CIITA: variants seen among roughly 807,000 people sequenced by gnomAD.
CIITA encodes class II major histocompatibility complex transactivator, also known as MHC class II transactivator.
Under a neutral mutation model 115.1 loss-of-function variants are expected in CIITA, and 72 were observed. The ratio of observed to expected loss-of-function variants is 0.63; its 90% confidence interval spans 0.52 to 0.76. The LOEUF is 0.76. CIITA is among the 30% of genes least tolerant of loss of function. The pLI, the probability that CIITA is intolerant of heterozygous loss-of-function variation, is 0.00. For synonymous variants in CIITA, 763 were observed against 635.6 expected, an observed-to-expected ratio of 1.20 and a Z score of -3.02; for missense variants, 1,617 against 1,463.8, an observed-to-expected ratio of 1.10 and a Z score of -1.71.
chr16:10,920,640 C>CAA lies in CIITA; in HGVS notation c.3150-1527_3150-1526insAA, dbSNP rs2040219737. On this transcript the variant is annotated intron_variant, in intron 16 of 19. Transcript: ENST00000324288. The surrounding 1 kb of genome is among the most constrained non-coding windows in gnomAD (Gnocchi z 4.5). ...TGAGGCCAAAATGCAAACTGTGACA[C>CAA]GCTATTGGTTATAAGACACATCCTG... 6.6e-6 allele frequency among the ~76,000 whole-genome samples: 1 copy of CAA among 152,178 alleles called. No homozygotes were observed. Among genetic ancestry groups the CAA allele is most frequent in the Non-Finnish European group, 1.5e-5 (1 of 68,048 alleles).
chr16:10,899,655 T>C (rs1488338003), intron 5 of CIITA, among the ~76,000 whole-genome samples: 1 of 152,204 alleles, frequency 6.6e-6, no homozygotes, highest in Non-Finnish European at 1.5e-5. Context: ...AATGAAAACA[T>C]CTGTAAAATG....
intron 13 of CIITA, among the ~76,000 whole-genome samples, chr16:10,911,274 C>T (rs1321029697): frequency 1.0e-4 from 15 of 145,978 alleles, no homozygotes; most frequent in Admixed American, 8.3e-4. Context: ...CTCTTTCTTT[C>T]CTTTCCCTTC....
intron 1 of CIITA, among the ~76,000 whole-genome samples, chr16:10,884,608 A>T (rs1029758488): frequency 8.5e-5 from 13 of 152,164 alleles, no homozygotes; most frequent in African/African-American, 3.1e-4. Flanking sequence ...TTCTGAAGAG[A>T]TGGGGTTTCA....
intron 1 of CIITA, among the ~76,000 whole-genome samples, chr16:10,886,794 G>A (rs2036995818): frequency 1.3e-5 from 2 of 152,240 alleles, no homozygotes; most frequent in African/African-American, 4.8e-5. Context: ...GTGACTCAGA[G>A]AGGTTGAGTA....
Position 10,895,335 on chromosome 16 carries a change from G to A in CIITA, c.106G>A (p.Glu36Lys). Reference protein sequence around the residue: ...ELGPLEGGYLELLNSDADPLC... With the variant: ...ELGPLEGGYLKLLNSDADPLC... ...GGGGCCCCTAGAAGGTGGCTACCTG[G>A]AGCTTCTTAACAGCGATGCTGACCC... Residue 36 changes from glutamate to lysine, a missense_variant, in exon 2 of 20, where the codon GAG becomes AAG. Transcript: ENST00000324288. 6.2e-7 allele frequency: 1 copy of A among 1,614,068 alleles called. No individual in the cohort carries two copies. The highest frequency in any genetic ancestry group is 8.5e-7 in the Non-Finnish European group (1 of 1,180,016).
At chr16:10,886,106 T>C (rs2036923994) in intron 1 of CIITA, among the ~76,000 whole-genome samples, 1 of 149,306 alleles carries the variant, frequency 6.7e-6, no homozygotes, top group African/African-American at 2.5e-5. Context: ...CCAGGCTGAG[T>C]TTTCTATTTT....
chr16:10,867,605 G>T (rs1197701118), intron 1 of CIITA, among the ~76,000 whole-genome samples: 1 of 151,990 alleles, frequency 6.6e-6, no homozygotes. Context: ...GAGAATGAAG[G>T]CCTTATTTTT....
Position 10,908,870 on chromosome 16 carries a change from A to T in CIITA, c.2658-159A>T. Reference sequence around the variant, plus strand: ...GTGAGTTGTGAGAAAGTAGGAATCAATAAAGGCTGGAGTGGTCATGGAAGG... The same window carrying T: ...GTGAGTTGTGAGAAAGTAGGAATCATTAAAGGCTGGAGTGGTCATGGAAGG... On this transcript the variant is annotated intron_variant, in intron 11 of 19. Transcript: ENST00000324288. The T allele has an allele frequency of 5.1e-6, 5 of 977,828 alleles. No homozygotes were observed. The South Asian group carries it at 6.8e-5, about 13-fold the overall frequency. 60.6% of individuals were successfully genotyped at this position (977,828 alleles called of 1,614,324 possible). A position where few individuals can be genotyped will look rare whatever the true frequency, so the allele number is the denominator to read the frequency against.
chr16:10,888,003 G>A (rs944457798), intron 1 of CIITA, among the ~76,000 whole-genome samples: 2 of 152,182 alleles, frequency 1.3e-5, no homozygotes, highest in African/African-American at 4.8e-5. Context: ...CAGAGTTGCC[G>A]TTAACAGTTG....
In CIITA at chr16:10,927,463, T is replaced by A. The variant is rs2040578384; in HGVS notation, c.*3608T>A. 1 of 152,208 alleles carries A rather than the reference T, an allele frequency of 6.6e-6. No homozygotes were observed. The highest frequency in any genetic ancestry group is 1.5e-5 in the Non-Finnish European group (1 of 68,042). The allele number at this position is 152,208 out of a possible 1,614,324, so 9.4% of individuals were successfully genotyped here. A position where few individuals can be genotyped will look rare whatever the true frequency, so the allele number is the denominator to read the frequency against. On this transcript the variant is annotated 3_prime_UTR_variant, in exon 20 of 20. Transcript: ENST00000324288. ...AATAATCCTCACCTAACGGTTTCATTCATTCTGCAAATACATACTGACAGC... is the reference window on the plus strand; with the variant it reads ...AATAATCCTCACCTAACGGTTTCATACATTCTGCAAATACATACTGACAGC...
intron 1 of CIITA, among the ~76,000 whole-genome samples, chr16:10,881,832 C>T (rs1327782027): frequency 1.3e-5 from 2 of 152,196 alleles, no homozygotes; most frequent in African/African-American, 2.4e-5. Context: ...TAACTCCCCA[C>T]TGCCCCTTCC....
At position 10,907,919 on chromosome 16, in the gene CIITA, G is replaced by A. The variant is rs935688881; in HGVS notation, c.2427G>A (p.Leu809=). ...GTLRARQLLE[L]LHCAHEAEEA... is the part of the protein sequence containing the mutation. ...TGCGGGCGCGGCAGCTGCTGGAGCT[G>A]CTGCACTGCGCCCACGAGGCCGAGG... Residue 809 remains leucine (L), a synonymous_variant, in exon 11 of 20, where the codon CTG becomes CTA. Transcript: ENST00000324288. This position sits in a 1 kb window ranked among gnomAD's most constrained non-coding sequence, Gnocchi z 5.0. 3 of 1,569,118 alleles carry A rather than the reference G, an allele frequency of 1.9e-6. No homozygotes were observed. The African/African-American group carries it at 4.1e-5, about 21-fold the overall frequency.
chr16:10,923,237 G>A lies in CIITA; in HGVS notation c.3327G>A (p.Thr1109=), dbSNP rs776446459. Residue 1109 remains threonine, a synonymous_variant, in exon 19 of 20, where the codon ACG becomes ACA. Coordinates refer to ENST00000324288, the MANE Select transcript of CIITA (RefSeq NM_000246.4). The surrounding 1 kb of genome is among the most constrained non-coding windows in gnomAD (Gnocchi z 5.2). ...CPHVETLAMW[T]PTIPFSVQEH... is the part of the protein sequence containing the mutation. ...CCATCCCCCCTTGCAGGATGTGGAC[G>A]CCCACCATCCCATTCAGTGTCCAGG... 2.1e-5 allele frequency: 34 copies of A among 1,612,510 alleles called. No individual in the cohort carries two copies. The highest frequency in any genetic ancestry group is 1.2e-4 in the South Asian group (11 of 91,074).
At chr16:10,867,779 C>T (rs929684021) in intron 1 of CIITA, among the ~76,000 whole-genome samples, 2 of 152,030 alleles carry the variant, frequency 1.3e-5, no homozygotes, top group African/African-American at 2.4e-5. Context: ...TTTTTTGAGA[C>T]GGGGTCTGTT....
At chr16:10,904,502 T>C (rs1197720515) in intron 9 of CIITA, among the ~76,000 whole-genome samples, 2 of 152,246 alleles carry the variant, frequency 1.3e-5, no homozygotes, top group Admixed American at 1.3e-4. Context: ...ATTACAGGTG[T>C]GAGCCACTGC....
intron 16 of CIITA, among the ~76,000 whole-genome samples, chr16:10,919,237 A>C (rs567243785): frequency 6.7e-6 from 1 of 149,546 alleles, no homozygotes; most frequent in Non-Finnish European, 1.5e-5. Flanking sequence ...TCTGTCACCC[A>C]GGCTGGAGTG....
chr16:10,903,696 G>C, intron 8 of CIITA, 35 bp from the exon 9 acceptor site: 2 of 1,613,068 alleles, frequency 1.2e-6, no homozygotes, highest in Non-Finnish European at 8.5e-7. Context: ...ATCAATACCT[G>C]GTTATTCTCA....
At chr16:10,866,551 C>G (rs763714508) in intron 1 of CIITA, 4 of 547,304 alleles carry the variant, frequency 7.3e-6, no homozygotes, top group South Asian at 2.8e-5. Context: ...CGAGAGGGGC[C>G]CCGGCCACAG....
Position 10,903,757 on chromosome 16 carries a change from C to A in CIITA, c.799C>A (p.Pro267Thr). ...TGAGGTGCCCCAGGCCAGCCAAGTA[C>A]CCCCTCCCAGTGGATTCACTGTCCA... ...HGEVPQASQV[P>T]PPSGFTVHGL... Residue 267 changes from proline (P) to threonine (T), a missense_variant, in exon 9 of 20, where the codon CCC becomes ACC. Transcript: ENST00000324288. 6.2e-7 allele frequency: 1 copy of A among 1,614,186 alleles called. No homozygotes were observed. Among genetic ancestry groups the A allele is most frequent in the Non-Finnish European group, 8.5e-7 (1 of 1,180,040 alleles).
Sources: gnomAD v4.1 joint callset for allele counts (sites outside exome capture counted in the v4.1 genomes callset) on GRCh38, gnomAD v4.1.1 for gene constraint, Gnocchi (gnomAD v3.1) non-coding constraint, MANE v1.5 for transcripts, NCBI Gene and HGNC (gene_info 2026-07-23, HGNC 2026-07-21) for gene names.